ADAM22: variants seen among roughly 807,000 people sequenced by gnomAD.
ADAM22 encodes the protein ADAM metallopeptidase domain 22, also known as disintegrin and metalloproteinase domain-containing protein 22.
Under a neutral mutation model 144.6 loss-of-function variants are expected in ADAM22, and 65 were observed. That is an observed-to-expected ratio of 0.45 (90% CI 0.37 to 0.55). The LOEUF is 0.55. Among genes scored for constraint, ADAM22 ranks in the 20% least tolerant of loss-of-function variants. The pLI is 0.00. For missense variants in ADAM22, 974 were observed against 1,184.9 expected, an observed-to-expected ratio of 0.82 and a Z score of 2.61; for synonymous variants, 391 against 412.6, an observed-to-expected ratio of 0.95 and a Z score of 0.63.
intron 2 of ADAM22, among the ~76,000 whole-genome samples, chr7:87,951,701 G>A (rs1845233003): frequency 1.1e-5 from 1 of 87,394 alleles, no homozygotes; most frequent in Admixed American, 1.1e-4. Flanking sequence ...GCTTGATGGG[G>A]ATGGCATTGA....
At chr7:88,077,602 AG>A (rs1453627171) in intron 4 of ADAM22, among the ~76,000 whole-genome samples, 3 of 152,210 alleles carry the variant, frequency 2.0e-5, no homozygotes, top group African/African-American at 7.2e-5. Flanking sequence ...AGTCAAAGAA[AG>A]GGGTGACAGA....
In ADAM22 at chr7:88,193,209, G is replaced by A; in HGVS notation, c.2844G>A (p.Glu948=). The A allele has an allele frequency of 2.5e-6, 4 of 1,614,006 alleles. No homozygotes were observed. Among genetic ancestry groups the A allele is most frequent in the Non-Finnish European group, 3.4e-6 (4 of 1,179,934 alleles). Residue 948 remains glutamate (E), a synonymous_variant, in exon 31 of 32, where the codon GAG becomes GAA. Coordinates refer to ENST00000413139, the MANE Select transcript of ADAM22 (RefSeq NM_001324418.2). ...YPYPMPPLPD[E]DKKVNRQSAR... Reference sequence around the variant, plus strand: ...ACCCAATGCCTCCACTTCCTGATGAGGACAAGAAAGTGAACCGACAAAGTG... The same window carrying A: ...ACCCAATGCCTCCACTTCCTGATGAAGACAAGAAAGTGAACCGACAAAGTG...
chr7:88,151,344 C>T (rs1586230476), intron 20 of ADAM22, 24 bp downstream of exon 20: 1 of 1,613,476 alleles, frequency 6.2e-7, no homozygotes, highest in Non-Finnish European at 8.5e-7. Flanking sequence ...GTGGCTTGAT[C>T]ATTGTTAAAG....
chr7:88,113,773 G>C lies in ADAM22; in HGVS notation c.474-811G>C, dbSNP rs1335542633. Among the ~76,000 whole-genome samples the C allele has an allele frequency of 2.4e-5, 3 of 126,956 alleles. No homozygotes were observed. In the Admixed American group the frequency reaches 2.6e-4, roughly 11 times the overall value. The allele number at this position is 126,956 out of a possible 152,430, so 83.3% of individuals were successfully genotyped here. Reference sequence around the variant, plus strand: ...CTAGAATACTTATGAGCACCACAAGGACAGAGAATTGGTCTGTTTTGTTTG... The same window carrying C: ...CTAGAATACTTATGAGCACCACAAGCACAGAGAATTGGTCTGTTTTGTTTG... On this transcript the variant is annotated intron_variant, in intron 5 of 31. Coordinates refer to ENST00000413139, the MANE Select transcript of ADAM22 (RefSeq NM_001324418.2).
chr7:88,005,733 G>C (rs887320215), intron 3 of ADAM22, among the ~76,000 whole-genome samples: 1 of 151,992 alleles, frequency 6.6e-6, no homozygotes, highest in African/African-American at 2.4e-5. Flanking sequence ...CTAGGTCCAG[G>C]GTTGAATCCA....
chr7:88,145,620 G>A, intron 17 of ADAM22, 113 bp downstream of exon 17: 1 of 798,432 alleles, frequency 1.3e-6, no homozygotes, highest in Non-Finnish European at 2.0e-6. Context: ...TATATTAAAT[G>A]AGTAAGTGCC....
chr7:88,140,100 G>T (rs1834158215), intron 14 of ADAM22, among the ~76,000 whole-genome samples: 1 of 151,944 alleles, frequency 6.6e-6, no homozygotes, highest in Non-Finnish European at 1.5e-5. Context: ...AGAAGGGAGG[G>T]GGTGCTAGGC....
chr7:87,993,755 T>A (rs1790449976), intron 3 of ADAM22, among the ~76,000 whole-genome samples: 1 of 152,248 alleles, frequency 6.6e-6, no homozygotes, highest in Admixed American at 6.5e-5. Context: ...TGTGACTTTT[T>A]AGAGATCTTC....
intron 2 of ADAM22, among the ~76,000 whole-genome samples, chr7:87,949,894 TA>T (rs1844623190): frequency 6.7e-6 from 1 of 149,934 alleles, no homozygotes; most frequent in Non-Finnish European, 1.5e-5. Flanking sequence ...ACGTCTATTA[TA>T]TAAATTATAA....
chr7:88,051,261 T>C (rs1312174180), intron 3 of ADAM22, among the ~76,000 whole-genome samples: 1 of 152,176 alleles, frequency 6.6e-6, no homozygotes, highest in Non-Finnish European at 1.5e-5. Flanking sequence ...TGTATGTTTA[T>C]TGCGGCACTA....
intron 3 of ADAM22, among the ~76,000 whole-genome samples, chr7:88,040,062 A>G (rs1802725540): frequency 6.6e-6 from 1 of 152,000 alleles, no homozygotes; most frequent in Non-Finnish European, 1.5e-5. Flanking sequence ...CCACACCACC[A>G]GTTCCTATTG....
At chr7:88,191,173 G>C (rs923404495) in intron 30 of ADAM22, among the ~76,000 whole-genome samples, 6 of 152,212 alleles carry the variant, frequency 3.9e-5, no homozygotes, top group African/African-American at 1.4e-4. Context: ...AAAATCTCCT[G>C]TTTTTGTTCT....
intron 10 of ADAM22, 130 bp downstream of exon 10, chr7:88,130,589 C>T (rs773865269): frequency 2.6e-5 from 21 of 798,958 alleles, no homozygotes; most frequent in African/African-American, 5.4e-5. Context: ...TAGTAAGTTC[C>T]GGGTGACCTT....
rs186401252 is a variant in ADAM22 at position 88,110,471 on chromosome 7, A to C, written c.473+2213A>C. Among the ~76,000 whole-genome samples, 20 of 152,098 alleles carry C rather than the reference A, an allele frequency of 1.3e-4. No individual in the cohort carries two copies. In the East Asian group the frequency reaches 3.7e-3, roughly 28 times the overall value. On this transcript the variant is annotated intron_variant, in intron 5 of 31. Coordinates refer to ENST00000413139, the MANE Select transcript of ADAM22 (RefSeq NM_001324418.2). ...ACTCAATGTTGTGAGAATCAGAGAG[A>C]AGATATTTGTGCCTTCTAAGGGCTA...
At chr7:88,117,122 C>T (rs771707518) in intron 7 of ADAM22, among the ~76,000 whole-genome samples, 1 of 152,202 alleles carries the variant, frequency 6.6e-6, no homozygotes, top group Non-Finnish European at 1.5e-5. Flanking sequence ...TTGTGAAATA[C>T]TGGTCTTGTA....
At chr7:88,048,984 G>C (rs1463694566) in intron 3 of ADAM22, among the ~76,000 whole-genome samples, 1 of 152,106 alleles carries the variant, frequency 6.6e-6, no homozygotes, top group Non-Finnish European at 1.5e-5. Flanking sequence ...TTTTAGAAAG[G>C]CCCTTCTCAT....
intron 3 of ADAM22, among the ~76,000 whole-genome samples, chr7:88,018,748 C>T (rs148786776): frequency 7.2e-4 from 110 of 152,214 alleles, no homozygotes; most frequent in African/African-American, 2.6e-3. Flanking sequence ...ACATGAAAAT[C>T]CCTGGAGATC....
At chr7:88,142,894 A>AT (rs1835213307) in intron 14 of ADAM22, 132 bp from the exon 15 acceptor site, 1 of 557,276 alleles carries the variant, frequency 1.8e-6, no homozygotes, top group African/African-American at 1.9e-5. Context: ...ATTGAATATA[A>AT]ATGTCATACA....
chr7:88,131,271 A>G lies in ADAM22; in HGVS notation c.828A>G (p.Ile276Met), dbSNP rs1006797185. ...TGTTCATTTTATTAATATACTAGAT[A>G]TATAAAGACCAACTTAAGACCAGGA... ...AKSVVNMADL[I>M]YKDQLKTRIV... Residue 276 changes from isoleucine to methionine, a missense_variant and splice_region_variant, in exon 11 of 32, where the codon ATA becomes ATG. Transcript: ENST00000413139. 1.1e-5 allele frequency: 18 copies of G among 1,612,636 alleles called. No homozygotes were observed. Among genetic ancestry groups the G allele is most frequent in the African/African-American group, 2.7e-5 (2 of 74,832 alleles).
Sources: gnomAD v4.1 joint callset for allele counts (sites outside exome capture counted in the v4.1 genomes callset) on GRCh38, gnomAD v4.1.1 for gene constraint, MANE v1.5 for transcripts, NCBI Gene and HGNC (gene_info 2026-07-23, HGNC 2026-07-21) for gene names.